LAMB2: variants seen among roughly 807,000 people sequenced by gnomAD.
LAMB2 encodes laminin subunit beta 2.
LAMB2 carries 119 observed loss-of-function variants against 202.7 expected under a neutral mutation model. That is an observed-to-expected ratio of 0.59 (90% confidence interval 0.51 to 0.68). The LOEUF (loss-of-function observed/expected upper bound fraction) is 0.68, where lower values mean the gene tolerates loss of function less well. LAMB2 is among the 30% of genes least tolerant of loss of function. The pLI is 0.00. For missense variants in LAMB2, 2,124 were observed against 2,410.6 expected (o/e 0.88, Z 2.49); for synonymous variants, 818 against 902.2 (o/e 0.91, Z 1.67).
In LAMB2 at chr3:49,121,336, C is replaced by T; in HGVS notation, c.5287G>A (p.Glu1763Lys). 4 of 1,614,084 alleles carry T rather than the reference C, an allele frequency of 2.5e-6. No individual in the cohort carries two copies. The highest frequency in any genetic ancestry group is 2.5e-6 in the Non-Finnish European group (3 of 1,180,034). ...GCTGCCTTACTCTCCAGTGCCCGCT[C>T]ATTTTCCTCATAGGTGCCTTCCAAT... ...QELEGTYEEN[E>K]RALESKAAQL... The change falls in exon 32 of 32, where the codon GAG becomes AAG. Residue 1763 changes from glutamate (E) to lysine (K), a missense_variant. Glu to Lys is a moderately conservative substitution (Grantham distance 56). Coordinates refer to ENST00000305544, the MANE Select transcript of LAMB2 (RefSeq NM_002292.4).
In LAMB2 at chr3:49,130,861, CTATAG is replaced by C. The variant is rs778789794; in HGVS notation, c.916-6_916-2del. 1 of 1,614,162 alleles carries C rather than the reference CTATAG, an allele frequency of 6.2e-7. No homozygotes were observed. The highest frequency in any genetic ancestry group is 8.5e-7 in the Non-Finnish European group (1 of 1,180,020). On this transcript the variant is annotated splice_acceptor_variant and splice_polypyrimidine_tract_variant and intron_variant, in intron 7 of 31. Coordinates refer to ENST00000305544, the MANE Select transcript of LAMB2 (RefSeq NM_002292.4). LOFTEE classifies it high-confidence loss of function. The surrounding 1 kb of genome is among the most constrained non-coding windows in gnomAD (Gnocchi z 5.0). ...GTTTGCAGATGCAAGCTCCGTGCACCTATAGAGGTTGGCAGGTAGGTTGTCAGCAC... is the reference window on the plus strand; with the variant it reads ...GTTTGCAGATGCAAGCTCCGTGCACCAGGTTGGCAGGTAGGTTGTCAGCAC...
At position 49,122,363 on chromosome 3, in the gene LAMB2, C is replaced by T. The variant is rs2107633523; in HGVS notation, c.4581G>A (p.Gly1527=). Residue 1527 remains glycine (G), a synonymous_variant, in exon 28 of 32, where the codon GGG becomes GGA. Coordinates refer to ENST00000305544, the MANE Select transcript of LAMB2 (RefSeq NM_002292.4). ...CCATTTCAATGCTATCAGGATCAGCCCCCTCCTCTATAGGGACACAGCAAG... is the reference window on the plus strand; with the variant it reads ...CCATTTCAATGCTATCAGGATCAGCTCCCTCCTCTATAGGGACACAGCAAG... The part of the protein sequence containing the change: ...QSVKDFLNQE[G]ADPDSIEMVA... 1.2e-6 allele frequency: 2 copies of T among 1,613,190 alleles called. No individual in the cohort carries two copies. The highest frequency in any genetic ancestry group is 1.3e-5 in the African/African-American group (1 of 75,056).
In LAMB2 at chr3:49,132,520, G is replaced by A. The variant is rs1195969627; in HGVS notation, c.220C>T (p.Gln74Ter). 1.9e-5 allele frequency: 30 copies of A among 1,613,620 alleles called. No homozygotes were observed. The highest frequency in any genetic ancestry group is 2.5e-5 in the Non-Finnish European group (30 of 1,180,026). ...ASSTCGLNGP[Q>*]PYCIVSHLQD... ...AGGTGACTGACGATGCAGTAGGGCT[G>A]GGGGCCATTCAGGCCACAAGTGGAT... The change falls in exon 2 of 32, where the codon CAG (glutamine) becomes TAG (stop). Residue 74 changes from glutamine (Q) to a stop codon, truncating the protein, a stop_gained. Transcript: ENST00000305544. LOFTEE classifies it high-confidence loss of function. This position sits in a 1 kb window ranked among gnomAD's most constrained non-coding sequence, Gnocchi z 4.6.
In LAMB2 at chr3:49,131,763, C is replaced by T. The variant is rs750872813; in HGVS notation, c.460-40G>A. 13 of 1,604,674 alleles carry T rather than the reference C, an allele frequency of 8.1e-6. No individual in the cohort carries two copies. In the African/African-American group the frequency reaches 1.5e-4, roughly 18 times the overall value. On this transcript the variant is annotated intron_variant, in intron 4 of 31. Coordinates refer to ENST00000305544, the MANE Select transcript of LAMB2 (RefSeq NM_002292.4). The surrounding 1 kb of genome is among the most constrained non-coding windows in gnomAD (Gnocchi z 5.0). ...ATAGCTGATCAGCAGGCACCAGGAC[C>T]CAAGCCCAACCCAGAGCCATCAAGA...
Position 49,132,281 on chromosome 3 carries a change from T to G in LAMB2, c.374A>C (p.Gln125Pro), listed in dbSNP as rs786205643. The change falls in exon 3 of 32, where the codon CAG (glutamine) becomes CCG (proline). Residue 125 changes from glutamine to proline, a missense_variant. By Grantham distance (76) the Gln-to-Pro change is moderately conservative. This residue lies in a region of LAMB2 where 166 missense variants were observed against 158.2 expected (regional missense o/e 1.05). Coordinates refer to ENST00000305544, the MANE Select transcript of LAMB2 (RefSeq NM_002292.4). This position sits in a 1 kb window ranked among gnomAD's most constrained non-coding sequence, Gnocchi z 4.6. ...FAPQRRAAWW[Q>P]SENGIPAVTI... is the part of the protein sequence containing the mutation. ...ACCCATGGCCTCACCATTCTCTGACTGCCACCAGGCTGCCCGCCGCTGTGG... is the reference window on the plus strand; with the variant it reads ...ACCCATGGCCTCACCATTCTCTGACGGCCACCAGGCTGCCCGCCGCTGTGG... The G allele has an allele frequency of 6.2e-7, 1 of 1,614,244 alleles. No individual in the cohort carries two copies. Among genetic ancestry groups the G allele is most frequent in the Non-Finnish European group, 8.5e-7 (1 of 1,180,042 alleles).
chr3:49,132,751 A>G lies in LAMB2; in HGVS notation c.76+41T>C. On this transcript the variant is annotated intron_variant, in intron 1 of 31. Transcript: ENST00000305544. The surrounding 1 kb of genome is among the most constrained non-coding windows in gnomAD (Gnocchi z 4.6). Reference sequence around the variant, plus strand: ...CCAAGGGCAACTACCAGGACCTACCATCACATTCCACAACCCCCAGCCCCC... The same window carrying G: ...CCAAGGGCAACTACCAGGACCTACCGTCACATTCCACAACCCCCAGCCCCC... The G allele has an allele frequency of 6.2e-7, 1 of 1,613,636 alleles. No homozygotes were observed. The highest frequency in any genetic ancestry group is 8.5e-7 in the Non-Finnish European group (1 of 1,179,562).
At position 49,124,200 on chromosome 3, in the gene LAMB2, C is replaced by A. The variant is rs2045384439; in HGVS notation, c.3414G>T (p.Leu1138Phe). ...CQELHWGDPG[L>F]QCHACDCDSR... Reference sequence around the variant, plus strand: ...CGCTGGCTCCCTCACCATGGCACTGCAACCCAGGGTCTCCCCAGTGGAGCT... The same window carrying A: ...CGCTGGCTCCCTCACCATGGCACTGAAACCCAGGGTCTCCCCAGTGGAGCT... The change falls in exon 23 of 32, where the codon TTG (leucine) becomes TTT (phenylalanine). Residue 1138 changes from leucine (L) to phenylalanine (F), a missense_variant. This residue lies in a region of LAMB2 where 1,702 missense variants were observed against 1,896.3 expected (regional missense o/e 0.90). Transcript: ENST00000305544. 2 of 1,613,922 alleles carry A rather than the reference C, an allele frequency of 1.2e-6. No individual in the cohort carries two copies. Among genetic ancestry groups the A allele is most frequent in the Non-Finnish European group, 1.7e-6 (2 of 1,179,946 alleles).
In LAMB2 at chr3:49,130,000, A is replaced by G; in HGVS notation, c.1244T>C (p.Met415Thr). ...ACAGCGACCACCGTCTTGAGAACCC[A>G]TGGGGTCACAATCACAGGCTGACGG... ...AVCRSCDCDP[M>T]GSQDGGRCDS... Residue 415 changes from methionine (M) to threonine (T), a missense_variant, in exon 10 of 32, where the codon ATG becomes ACG. Around this residue, in one of 3 missense-constraint regions of LAMB2, gnomAD observed 1,702 missense variants for 1,896.3 expected, o/e 0.90. Coordinates refer to ENST00000305544, the MANE Select transcript of LAMB2 (RefSeq NM_002292.4). This position sits in a 1 kb window ranked among gnomAD's most constrained non-coding sequence, Gnocchi z 6.1. 4 of 1,614,034 alleles carry G rather than the reference A, an allele frequency of 2.5e-6. No homozygotes were observed. The highest frequency in any genetic ancestry group is 1.1e-5 in the South Asian group (1 of 91,084).
intron 18 of LAMB2, 30 bp from the exon 19 acceptor site, chr3:49,125,514 C>A: frequency 6.5e-7 from 1 of 1,540,832 alleles, no homozygotes; most frequent in Non-Finnish European, 8.8e-7. Context: ...GAGCCAGAGC[C>A]AGGGGAGGGG....
rs1029156575 is a variant in LAMB2 at position 49,122,779 on chromosome 3, C to A, written c.4498G>T (p.Ala1500Ser). The A allele has an allele frequency of 6.2e-7, 1 of 1,614,108 alleles. No individual in the cohort carries two copies. Among genetic ancestry groups the A allele is most frequent in the Non-Finnish European group, 8.5e-7 (1 of 1,180,022 alleles). Reference protein sequence around the residue: ...RAQAALDKANASRGQVEQANQ... With the variant: ...RAQAALDKANSSRGQVEQANQ... ...GCCTGTTCCACCTGTCCCCTGGAAG[C>A]ATTAGCCTTGTCCAGGGCTGCCTGG... Residue 1500 changes from alanine (A) to serine (S), a missense_variant, in exon 27 of 32, where the codon GCT becomes TCT. Physicochemically the swap from Ala to Ser is moderately conservative, Grantham distance 99 (BLOSUM62 1). This residue lies in a region of LAMB2 where 1,702 missense variants were observed against 1,896.3 expected (regional missense o/e 0.90). Coordinates refer to ENST00000305544, the MANE Select transcript of LAMB2 (RefSeq NM_002292.4).
chr3:49,127,011 C>T (rs1211029121), intron 15 of LAMB2, among the ~76,000 whole-genome samples: 1 of 151,984 alleles, frequency 6.6e-6, no homozygotes, highest in Non-Finnish European at 1.5e-5. Context: ...ATTTGAGATG[C>T]GGTCTCTGTT....
chr3:49,125,833 T>C lies in LAMB2; in HGVS notation c.2402A>G (p.Gln801Arg), dbSNP rs780691102. 1 of 1,614,032 alleles carries C rather than the reference T, an allele frequency of 6.2e-7. No individual in the cohort carries two copies. Among genetic ancestry groups the C allele is most frequent in the African/African-American group, 1.3e-5 (1 of 74,894 alleles). Residue 801 changes from glutamine to arginine, a missense_variant, in exon 18 of 32, where the codon CAG becomes CGG. Physicochemically the swap from Gln to Arg is conservative, Grantham distance 43. This residue lies in a region of LAMB2 where 1,702 missense variants were observed against 1,896.3 expected (regional missense o/e 0.90). Transcript: ENST00000305544. ...LSSECNPHGG[Q>R]CLCKPGVVGR... ...AACCACTCCAGGCTTGCACAGGCAC[T>C]GACCACCATGAGGGTTGCACTCAGA...
chr3:49,122,170 G>GC lies in LAMB2; in HGVS notation c.4773dup (p.Arg1592AlafsTer7), dbSNP rs1553776921. 1.2e-6 allele frequency: 2 copies of GC among 1,613,520 alleles called. No homozygotes were observed. Among genetic ancestry groups the GC allele is most frequent in the Non-Finnish European group, 1.7e-6 (2 of 1,180,034 alleles). On this transcript the variant is annotated frameshift_variant, in exon 28 of 32. Transcript: ENST00000305544. LOFTEE classifies it high-confidence loss of function. ...CCAGGGATGGGGTCAGACCTTGCCC[G>GC]CCGTGCATCCTGCAGTAGCTGCTCG...
chr3:49,122,665 G>A (rs2045347803), intron 27 of LAMB2, 39 bp downstream of exon 27: 13 of 1,553,008 alleles, frequency 8.4e-6, no homozygotes, highest in Non-Finnish European at 1.2e-5. Context: ...AGTTGCCAAA[G>A]GGGACAACCA....
chr3:49,129,895 T>G lies in LAMB2; in HGVS notation c.1349A>C (p.Gln450Pro). The change falls in exon 10 of 32, where the codon CAG becomes CCG. Residue 450 changes from glutamine to proline, a missense_variant. Physicochemically the swap from Gln to Pro is moderately conservative, Grantham distance 76 (BLOSUM62 -1). Transcript: ENST00000305544. This position sits in a 1 kb window ranked among gnomAD's most constrained non-coding sequence, Gnocchi z 6.1. ...CCCAAAGAAGCCATCACGGCATTGC[T>G]GGCAGCGAGTGCCCACCACATGTTC... ...CKEHVVGTRC[Q>P]QCRDGFFGLS... 1 of 1,613,992 alleles carries G rather than the reference T, an allele frequency of 6.2e-7. No homozygotes were observed. The highest frequency in any genetic ancestry group is 1.1e-5 in the South Asian group (1 of 91,088).
rs1319615240 is a variant in LAMB2, at chr3:49,123,568, T to G, written c.3861A>C (p.Gln1287His). 2 of 1,614,224 alleles carry G rather than the reference T, an allele frequency of 1.2e-6. No individual in the cohort carries two copies. The highest frequency in any genetic ancestry group is 2.2e-5 in the South Asian group (2 of 91,090). ...CATGGTTGGCATTGAAGTTCTCATC[T>G]TGCACATCTGTCAGGTCTGCCTCGA... ...TQLEADLTDVQDENFNANHAL... is the reference protein window; with the variant it reads ...TQLEADLTDVHDENFNANHAL... The change falls in exon 25 of 32, where the codon CAA becomes CAC. Residue 1287 changes from glutamine (Q) to histidine (H), a missense_variant. Coordinates refer to ENST00000305544, the MANE Select transcript of LAMB2 (RefSeq NM_002292.4).
Position 49,121,211 on chromosome 3 carries a change from G to A in LAMB2, c.*15C>T. On this transcript the variant is annotated 3_prime_UTR_variant, in exon 32 of 32. Transcript: ENST00000305544. ...TGGGGCAGTGCTAGGAACTGGGGTA[G>A]GCCTTGGGCAGGGGTCACTGGCAGG... 4 of 1,612,076 alleles carry A rather than the reference G, an allele frequency of 2.5e-6. No individual in the cohort carries two copies. Among genetic ancestry groups the A allele is most frequent in the Non-Finnish European group, 3.4e-6 (4 of 1,179,986 alleles).
Position 49,130,900 on chromosome 3 carries a change from C to G in LAMB2, c.916-40G>C, listed in dbSNP as rs1466608760. ...AGGTAGGTTGTCAGCACTGCTCAGCCATGTCCGCCCCTGCCCCTAGCCCTA... is the reference window on the plus strand; with the variant it reads ...AGGTAGGTTGTCAGCACTGCTCAGCGATGTCCGCCCCTGCCCCTAGCCCTA... On this transcript the variant is annotated intron_variant, in intron 7 of 31. Coordinates refer to ENST00000305544, the MANE Select transcript of LAMB2 (RefSeq NM_002292.4). The surrounding 1 kb of genome is among the most constrained non-coding windows in gnomAD (Gnocchi z 5.0). 6.2e-7 allele frequency: 1 copy of G among 1,614,056 alleles called. No individual in the cohort carries two copies. Among genetic ancestry groups the G allele is most frequent in the East Asian group, 2.2e-5 (1 of 44,900 alleles).
At chr3:49,126,627 G>A in intron 15 of LAMB2, 130 bp from the exon 16 acceptor site, 3 of 1,123,656 alleles carry the variant, frequency 2.7e-6, no homozygotes, top group Non-Finnish European at 2.6e-6. Context: ...GTTGCGTTGG[G>A]CTGCGCTAGG....
Sources: gnomAD v4.1 joint callset for allele counts (sites outside exome capture counted in the v4.1 genomes callset) on GRCh38, gnomAD v4.1.1 for gene constraint, gnomAD v4.1.1 regional missense constraint, Gnocchi (gnomAD v3.1) non-coding constraint, MANE v1.5 for transcripts, NCBI Gene and HGNC (gene_info 2026-07-23, HGNC 2026-07-21) for gene names.